Variants in MAN1B1 observed in about 807,000 individuals in gnomAD.
The protein encoded by MAN1B1 is mannosidase alpha class 1B member 1.
In MAN1B1, 66 loss-of-function variants were observed where a neutral mutation model predicts 75.5. The ratio of observed to expected loss-of-function variants is 0.87; its 90% confidence interval spans 0.72 to 1.07. The LOEUF (loss-of-function observed/expected upper bound fraction) is 1.07, where lower values mean the gene tolerates loss of function less well. MAN1B1 is among the 50% of genes least tolerant of loss of function. MAN1B1 has a pLI of 0.00. For synonymous variants in MAN1B1, 453 were observed against 382.8 expected, an observed-to-expected ratio of 1.18 and a Z score of -2.14; for missense variants, 973 against 912.5, an observed-to-expected ratio of 1.07 and a Z score of -0.85.
chr9:137,086,999 G>A lies in MAN1B1; in HGVS notation c.-1G>A, dbSNP rs1390645618. ...ATGGGCGGGCTGTTGACGGCGCTGC[G>A]ATGGCTGCCTGCGAGGGCAGGAGAA... On this transcript the variant is annotated 5_prime_UTR_variant, in exon 1 of 13. Coordinates refer to ENST00000371589, the MANE Select transcript of MAN1B1 (RefSeq NM_016219.5). The A allele has an allele frequency of 1.3e-6, 2 of 1,591,348 alleles. No individual in the cohort carries two copies. Among genetic ancestry groups the A allele is most frequent in the Non-Finnish European group, 1.7e-6 (2 of 1,171,164 alleles).
chr9:137,101,836 G>A (rs544945606), intron 8 of MAN1B1, 164 bp downstream of exon 8: 31 of 892,418 alleles, frequency 3.5e-5, no homozygotes, highest in East Asian at 2.6e-4. Context: ...AGGCGTGGTC[G>A]GTGGTGTTAC....
intron 8 of MAN1B1, chr9:137,105,730 C>A: frequency 2.6e-6 from 1 of 390,482 alleles, no homozygotes. Flanking sequence ...TCAGGAGCAA[C>A]ACTGGGCTCA....
At position 137,107,310 on chromosome 9, in the gene MAN1B1, G is replaced by T. The variant is rs755475463; in HGVS notation, c.1627G>T (p.Ala543Ser). 4 of 1,613,016 alleles carry T rather than the reference G, an allele frequency of 2.5e-6. No homozygotes were observed. The highest frequency in any genetic ancestry group is 3.4e-6 in the Non-Finnish European group (4 of 1,179,990). The change falls in exon 11 of 13, where the codon GCC becomes TCC. Residue 543 changes from alanine (A) to serine (S), a missense_variant. Ala to Ser is a moderately conservative substitution (Grantham distance 99, BLOSUM62 1). Coordinates refer to ENST00000371589, the MANE Select transcript of MAN1B1 (RefSeq NM_016219.5). ...TCTGGGCGTCTACCACGGCCTGCCC[G>T]CCAGCCACATGGAGCTGGCCCAGGA... ...LALGVYHGLP[A>S]SHMELAQELM... is the part of the protein sequence containing the mutation.
intron 3 of MAN1B1, among the ~76,000 whole-genome samples, chr9:137,093,254 C>T (rs1163046010): frequency 2.6e-5 from 4 of 152,038 alleles, no homozygotes; most frequent in African/African-American, 9.7e-5. Flanking sequence ...ATTAGCCAGG[C>T]GTGGTGGTGC....
intron 3 of MAN1B1, among the ~76,000 whole-genome samples, chr9:137,089,752 G>C (rs1014187645): frequency 6.6e-6 from 1 of 152,158 alleles, no homozygotes; most frequent in African/African-American, 2.4e-5. Context: ...AAGCTGAGTG[G>C]GGGGAGGAGT....
chr9:137,102,994 A>G (rs1461769481), intron 8 of MAN1B1: 3 of 384,568 alleles, frequency 7.8e-6, no homozygotes, highest in Non-Finnish European at 1.5e-5. Flanking sequence ...CGGTGGTCTT[A>G]CATTCATACT....
intron 9 of MAN1B1, 160 bp from the exon 10 acceptor site, chr9:137,106,529 C>A: frequency 8.3e-7 from 1 of 1,201,252 alleles, no homozygotes; most frequent in Non-Finnish European, 1.2e-6. Context: ...GTGAGGGGGG[C>A]ATCTTCACTG....
intron 3 of MAN1B1, among the ~76,000 whole-genome samples, chr9:137,090,728 C>T (rs1213153684): frequency 1.3e-5 from 2 of 151,988 alleles, no homozygotes; most frequent in Non-Finnish European, 1.5e-5. Flanking sequence ...TTAATAGAGA[C>T]GTGTTTCACT....
intron 3 of MAN1B1, among the ~76,000 whole-genome samples, chr9:137,092,328 G>A (rs1830538296): frequency 6.6e-6 from 1 of 151,780 alleles, no homozygotes; most frequent in African/African-American, 2.4e-5. Context: ...TGGATGACAG[G>A]GAGACCCTGT....
chr9:137,088,554 C>A, intron 2 of MAN1B1: 1 of 913,086 alleles, frequency 1.1e-6, no homozygotes, highest in Admixed American at 2.0e-5. Context: ...AATCTCTTCT[C>A]ACTTGGTCTA....
intron 1 of MAN1B1, 125 bp from the exon 2 acceptor site, chr9:137,087,950 A>G: frequency 3.5e-6 from 3 of 862,482 alleles, no homozygotes; most frequent in Middle Eastern, 4.4e-4. Flanking sequence ...TCCAAAAAAA[A>G]AAAGAAATAG....
intron 3 of MAN1B1, among the ~76,000 whole-genome samples, chr9:137,090,344 TC>T (rs1483190338): frequency 6.6e-6 from 1 of 152,114 alleles, no homozygotes; most frequent in Non-Finnish European, 1.5e-5. Flanking sequence ...CAGGTGGACT[TC>T]CCTGCAGGGC....
chr9:137,101,021 G>A lies in MAN1B1; in HGVS notation c.933G>A (p.Arg311=). ...ATGTCATAGAATTTGAGGAAGCCAG[G>A]AAGTGGGTGTCGAAGAAGTTACACT... ...LGLRKEFEEA[R]KWVSKKLHFE... Residue 311 remains arginine (R), a synonymous_variant, in exon 7 of 13, where the codon AGG becomes AGA. Transcript: ENST00000371589. 1.2e-6 allele frequency: 2 copies of A among 1,614,210 alleles called. No individual in the cohort carries two copies. The highest frequency in any genetic ancestry group is 1.7e-6 in the Non-Finnish European group (2 of 1,180,046).
At chr9:137,106,092 C>A in intron 8 of MAN1B1, 33 bp from the exon 9 acceptor site, 1 of 1,582,626 alleles carries the variant, frequency 6.3e-7, no homozygotes, top group South Asian at 1.1e-5. Context: ...TCGGCCCTGG[C>A]CAGTAAACCC....
chr9:137,088,335 T>C (rs750808537), intron 2 of MAN1B1, 152 bp downstream of exon 2: 2 of 1,600,972 alleles, frequency 1.2e-6, no homozygotes, highest in Non-Finnish European at 1.7e-6. Context: ...GAGCTGTATG[T>C]AACCACCTGG....
intron 12 of MAN1B1, chr9:137,108,110 C>G (rs1831184179): frequency 1.6e-6 from 1 of 607,834 alleles, no homozygotes; most frequent in Non-Finnish European, 2.9e-6. Flanking sequence ...ACCGTCTGCC[C>G]TGTGCCCTGT....
rs1830424006 is a variant in MAN1B1, at chr9:137,088,148, T to C, written c.293T>C (p.Leu98Pro). The change falls in exon 2 of 13, where the codon CTC (leucine) becomes CCC (proline). Residue 98 changes from leucine (L) to proline (P), a missense_variant. Coordinates refer to ENST00000371589, the MANE Select transcript of MAN1B1 (RefSeq NM_016219.5). ...FLLAFLLFCG[L>P]LFYINLADHW... ...CTTGCCTTTCTGCTTTTCTGTGGACTCCTCTTCTACATCAACTTGGCTGAC... is the reference window on the plus strand; with the variant it reads ...CTTGCCTTTCTGCTTTTCTGTGGACCCCTCTTCTACATCAACTTGGCTGAC... 2 of 1,614,090 alleles carry C rather than the reference T, an allele frequency of 1.2e-6. No homozygotes were observed. The highest frequency in any genetic ancestry group is 2.2e-5 in the South Asian group (2 of 91,088).
rs1164519669 is a variant in MAN1B1 at position 137,108,991 on chromosome 9, G to A, written c.*400G>A. 3 of 461,732 alleles carry A rather than the reference G, an allele frequency of 6.5e-6. No individual in the cohort carries two copies. The highest frequency in any genetic ancestry group is 3.1e-5 in the South Asian group (2 of 64,584). 28.6% of individuals were successfully genotyped at this position (461,732 alleles called of 1,614,324 possible). ...AAGCCTCAGATGTCCCCAATCCAAG[G>A]GTCTGGAGGGGCTGCCGTGACTCCA... On this transcript the variant is annotated 3_prime_UTR_variant, in exon 13 of 13. Coordinates refer to ENST00000371589, the MANE Select transcript of MAN1B1 (RefSeq NM_016219.5).
At chr9:137,105,987 G>C in intron 8 of MAN1B1, 138 bp from the exon 9 acceptor site, 1 of 747,148 alleles carries the variant, frequency 1.3e-6, no homozygotes, top group Middle Eastern at 2.2e-4. Flanking sequence ...GGACAGCTGT[G>C]GGCTGGGCAC....
Sources: allele counts gnomAD v4.1 joint callset (sites outside exome capture counted in the v4.1 genomes callset), GRCh38; gene constraint gnomAD v4.1.1; transcripts MANE v1.5; gene names NCBI Gene and HGNC (gene_info 2026-07-23, HGNC 2026-07-21).